ADAMTS17: variants seen among roughly 807,000 people sequenced by gnomAD.
The protein encoded by ADAMTS17 is A disintegrin and metalloproteinase with thrombospondin motifs 17.
ADAMTS17 carries 113 observed loss-of-function variants against 141.5 expected under a neutral mutation model. The observed-to-expected ratio is 0.80, with a 90% CI of 0.69 to 0.93. The LOEUF (loss-of-function observed/expected upper bound fraction) is 0.93, where lower values mean the gene tolerates loss of function less well. Among genes scored for constraint, ADAMTS17 ranks in the 40% least tolerant of loss-of-function variants. ADAMTS17 has a pLI of 0.00. For missense variants in ADAMTS17, 1,659 were observed against 1,517.9 expected, an observed-to-expected ratio of 1.09 and a Z score of -1.54; for synonymous variants, 768 against 630.6, an observed-to-expected ratio of 1.22 and a Z score of -3.27.
At position 100,156,926 on chromosome 15, in the gene ADAMTS17, A is replaced by C. The variant is rs74924441; in HGVS notation, c.1182-1606T>G. On this transcript the variant is annotated intron_variant, in intron 8 of 21. Transcript: ENST00000268070. ...TTAGTCCATTTTCACACTGCTATAA[A>C]GTGTTTCACACTTGAAACTGGGCAA... Among the ~76,000 whole-genome samples, 81 of 152,364 alleles carry C rather than the reference A, an allele frequency of 5.3e-4. 1 individual carries two copies. The East Asian group carries it at 0.014, about 27-fold the overall frequency.
At chr15:100,205,880 T>C (rs8039397) in intron 7 of ADAMTS17, among the ~76,000 whole-genome samples, 106,768 of 151,928 alleles carry the variant, frequency 0.7, 38,842 homozygotes, top group East Asian at 0.94. Context: ...GGCGCCGCGG[T>C]CTCTGAAAGA....
intron 3 of ADAMTS17, among the ~76,000 whole-genome samples, chr15:100,315,521 A>G (rs985430826): frequency 2.0e-5 from 3 of 152,192 alleles, no homozygotes; most frequent in Non-Finnish European, 4.4e-5. Context: ...GCCCTAGATA[A>G]GAGGGCACGT....
At position 100,341,047 on chromosome 15, in the gene ADAMTS17, C is replaced by G; in HGVS notation, c.442G>C (p.Gly148Arg). ...LVSLSACGAA[G>R]GLVGLIQLGQ... is the part of the protein sequence containing the mutation. ...GGTGGCGCGGGCAGTACCAGGCCGC[C>G]GGCGGCGCCGCAGGCGCTGAGCGAG... is the stretch of plus-strand genomic sequence containing the variant. The change falls in exon 2 of 22, where the codon GGC becomes CGC. Residue 148 changes from glycine (G) to arginine (R), a missense_variant. Coordinates refer to ENST00000268070, the MANE Select transcript of ADAMTS17 (RefSeq NM_139057.4). The G allele has an allele frequency of 3.9e-6, 6 of 1,523,200 alleles. No homozygotes were observed. The highest frequency in any genetic ancestry group is 3.6e-5 in the South Asian group (3 of 83,704). The allele number at this position is 1,523,200 out of a possible 1,614,324, so 94.4% of individuals were successfully genotyped here. A position where few individuals can be genotyped will look rare whatever the true frequency, so the allele number is the denominator to read the frequency against.
At chr15:100,212,344 C>T (rs963128230) in intron 7 of ADAMTS17, among the ~76,000 whole-genome samples, 10 of 152,272 alleles carry the variant, frequency 6.6e-5, no homozygotes, top group Admixed American at 3.3e-4. Context: ...CCGTGCATAA[C>T]GCATTCCAGG....
intron 8 of ADAMTS17, among the ~76,000 whole-genome samples, chr15:100,159,815 G>C (rs1173614273): frequency 6.6e-6 from 1 of 152,232 alleles, no homozygotes; most frequent in Non-Finnish European, 1.5e-5. Flanking sequence ...GCACTTGGAA[G>C]CAACGAGGCA....
At chr15:100,287,459 T>G (rs764061861) in intron 3 of ADAMTS17, among the ~76,000 whole-genome samples, 2 of 152,144 alleles carry the variant, frequency 1.3e-5, no homozygotes, top group African/African-American at 2.4e-5. Context: ...AGGGAAAACA[T>G]ATTTGAGGAT....
intron 8 of ADAMTS17, among the ~76,000 whole-genome samples, chr15:100,162,258 A>G (rs560879655): frequency 2.0e-5 from 3 of 152,032 alleles, no homozygotes; most frequent in Non-Finnish European, 4.4e-5. Flanking sequence ...TGCATGAGTC[A>G]GGTACAGCCT....
At chr15:100,181,018 C>A (rs570282763) in intron 8 of ADAMTS17, among the ~76,000 whole-genome samples, 1 of 152,210 alleles carries the variant, frequency 6.6e-6, no homozygotes, top group Non-Finnish European at 1.5e-5. Context: ...TAAGCTGACA[C>A]TCAAACTAGA....
At chr15:100,322,746 T>TA (rs1049068207) in intron 3 of ADAMTS17, among the ~76,000 whole-genome samples, 2 of 152,162 alleles carry the variant, frequency 1.3e-5, no homozygotes, top group Admixed American at 6.5e-5. Context: ...TGACACTACT[T>TA]AAAAAATGGA....
intron 15 of ADAMTS17, among the ~76,000 whole-genome samples, chr15:100,058,692 A>T (rs1250315308): frequency 6.6e-6 from 1 of 152,192 alleles, no homozygotes; most frequent in Non-Finnish European, 1.5e-5. Context: ...CTACAGCACG[A>T]GGTGGAGATA....
chr15:100,019,570 C>T (rs1241058632), intron 18 of ADAMTS17, among the ~76,000 whole-genome samples: 1 of 152,272 alleles, frequency 6.6e-6, no homozygotes, highest in African/African-American at 2.4e-5. Context: ...ACATGTGCTA[C>T]CCGGTGTATG....
rs536774574 is a variant in ADAMTS17 at position 100,239,026 on chromosome 15, C to G, written c.1075+15110G>C. On this transcript the variant is annotated intron_variant, in intron 7 of 21. Coordinates refer to ENST00000268070, the MANE Select transcript of ADAMTS17 (RefSeq NM_139057.4). ...GAATCACTTGAACCAGGAGATGGAGCTTGCAGTGAGCCGAGATCACGCCAC... is the reference window on the plus strand; with the variant it reads ...GAATCACTTGAACCAGGAGATGGAGGTTGCAGTGAGCCGAGATCACGCCAC... Among the ~76,000 whole-genome samples the G allele has an allele frequency of 3.7e-4, 56 of 152,290 alleles. 4 individuals are homozygous for G. The South Asian group carries it at 0.011, about 31-fold the overall frequency.
intron 18 of ADAMTS17, among the ~76,000 whole-genome samples, chr15:100,047,880 A>G (rs540310538): frequency 6.6e-6 from 1 of 152,284 alleles, no homozygotes; most frequent in East Asian, 1.9e-4. Context: ...TCCTGCAGTG[A>G]GCTCTTCCTC....
chr15:100,046,280 C>T (rs77168257), intron 18 of ADAMTS17, among the ~76,000 whole-genome samples: 4,698 of 152,226 alleles, frequency 0.031, 117 homozygotes, highest in African/African-American at 0.07. Flanking sequence ...TCTATCGTTA[C>T]AGGAAGCAGA....
At chr15:100,303,134 T>TA (rs2045101513) in intron 3 of ADAMTS17, among the ~76,000 whole-genome samples, 2 of 146,450 alleles carry the variant, frequency 1.4e-5, no homozygotes, top group Admixed American at 1.4e-4. Flanking sequence ...AAATATATAT[T>TA]TATATTTATA....
rs868478829 is a variant in ADAMTS17 at position 100,208,258 on chromosome 15, G to A, written c.1076-8835C>T. ...AAAACCGAGCGGCAACAGGCATTCC[G>A]GGTGTGCAGAACCAAATGCAGCAAG... On this transcript the variant is annotated intron_variant, in intron 7 of 21. Transcript: ENST00000268070. Among the ~76,000 whole-genome samples the A allele has an allele frequency of 9.9e-5, 15 of 152,210 alleles. No homozygotes were observed. In the South Asian group the frequency reaches 1.0e-3, roughly 11 times the overall value.
At chr15:100,055,452 C>G (rs181151976) in intron 15 of ADAMTS17, among the ~76,000 whole-genome samples, 1 of 152,292 alleles carries the variant, frequency 6.6e-6, no homozygotes, top group East Asian at 1.9e-4. Context: ...TCGCTCCCGG[C>G]AAACACACAG....
chr15:100,298,743 C>T (rs1002595194), intron 3 of ADAMTS17, among the ~76,000 whole-genome samples: 1 of 152,222 alleles, frequency 6.6e-6, no homozygotes, highest in Non-Finnish European at 1.5e-5. Flanking sequence ...ATGCTTCAGA[C>T]TGGCTGTCAC....
At chr15:100,203,774 C>T (rs1003571851) in intron 7 of ADAMTS17, among the ~76,000 whole-genome samples, 8 of 152,108 alleles carry the variant, frequency 5.3e-5, no homozygotes. Flanking sequence ...TGGCAGGTCC[C>T]TATGGTCCCA....
Sources: gnomAD v4.1 joint callset for allele counts (sites outside exome capture counted in the v4.1 genomes callset) on GRCh38, gnomAD v4.1.1 for gene constraint, MANE v1.5 for transcripts, NCBI Gene and HGNC (gene_info 2026-07-23, HGNC 2026-07-21) for gene names.